CCDC150: variants seen among roughly 807,000 people sequenced by gnomAD.
The protein encoded by CCDC150 is coiled-coil domain-containing protein 150.
In CCDC150, 151 loss-of-function variants were observed where a neutral mutation model predicts 156.5. The ratio of observed to expected loss-of-function variants is 0.97; its 90% CI spans 0.85 to 1.10. CCDC150 has a LOEUF of 1.10. Among genes scored for constraint, CCDC150 ranks in the 50% least tolerant of loss-of-function variants. The probability of loss-of-function intolerance (pLI) is 0.00; values close to 1 mark genes in which losing one functional copy is unlikely to be tolerated. For synonymous variants in CCDC150, 452 were observed against 429.4 expected, an observed-to-expected ratio of 1.05 and a Z score of -0.65; for missense variants, 1,312 against 1,268.1, an observed-to-expected ratio of 1.03 and a Z score of -0.53.
At chr2:196,683,951 A>G (rs2125630487) in intron 13 of CCDC150, among the ~76,000 whole-genome samples, 1 of 151,982 alleles carries the variant, frequency 6.6e-6, no homozygotes, top group South Asian at 2.1e-4. Flanking sequence ...TTTCTAGAGA[A>G]CCAACTTGTG....
At chr2:196,699,406 G>A (rs1222098784) in intron 14 of CCDC150, among the ~76,000 whole-genome samples, 1 of 152,130 alleles carries the variant, frequency 6.6e-6, no homozygotes, top group South Asian at 2.1e-4. Context: ...ATGATTTTAC[G>A]GTAGGTGGTA....
chr2:196,720,492 A>G, intron 19 of CCDC150, 83 bp from the exon 20 acceptor site: 1 of 1,084,336 alleles, frequency 9.2e-7, no homozygotes, highest in Non-Finnish European at 1.4e-6. Context: ...TTCTTAGAAG[A>G]AAAGTGTTCT....
chr2:196,690,612 TAA>T (rs879300596), intron 13 of CCDC150, among the ~76,000 whole-genome samples: 1 of 146,122 alleles, frequency 6.8e-6, no homozygotes. Flanking sequence ...TAGTGAATAT[TAA>T]AAAAAAAAAG....
At chr2:196,688,690 A>G (rs906099635) in intron 13 of CCDC150, among the ~76,000 whole-genome samples, 3 of 151,912 alleles carry the variant, frequency 2.0e-5, no homozygotes, top group Admixed American at 6.6e-5. Flanking sequence ...CCCATTTTGT[A>G]GGTTGCCTGT....
intron 17 of CCDC150, chr2:196,713,779 A>T (rs998793133): frequency 4.1e-5 from 51 of 1,253,944 alleles, no homozygotes; most frequent in Non-Finnish European, 5.0e-5. Context: ...GATATGACTA[A>T]CAAGGAAATA....
intron 9 of CCDC150, 109 bp from the exon 10 acceptor site, chr2:196,674,132 A>C: frequency 1.5e-6 from 1 of 649,468 alleles, no homozygotes; most frequent in Non-Finnish European, 2.6e-6. Context: ...TAAATAGATT[A>C]GTTTCATATA....
intron 15 of CCDC150, among the ~76,000 whole-genome samples, chr2:196,709,918 C>T (rs956593428): frequency 6.6e-6 from 1 of 152,164 alleles, no homozygotes; most frequent in Admixed American, 6.5e-5. Context: ...TATGAGGTGT[C>T]AGTTGGCCCC....
chr2:196,729,910 A>G (rs748237914), intron 24 of CCDC150, 47 bp from the exon 25 acceptor site: 4 of 1,605,886 alleles, frequency 2.5e-6, no homozygotes, highest in East Asian at 2.2e-5. Context: ...CAAAATCTCA[A>G]ACTTGGAGGG....
intron 10 of CCDC150, 25 bp downstream of exon 10, chr2:196,674,373 C>T: frequency 8.5e-6 from 12 of 1,411,294 alleles, no homozygotes; most frequent in Non-Finnish European, 1.2e-5. Context: ...TGAAAGCCAA[C>T]CAGAAAGCCA....
At chr2:196,668,221 C>T (rs1431685848) in intron 7 of CCDC150, among the ~76,000 whole-genome samples, 1 of 150,660 alleles carries the variant, frequency 6.6e-6, no homozygotes, top group South Asian at 2.1e-4. Flanking sequence ...CGCTTGAACC[C>T]AGGAGGCTGA....
chr2:196,713,371 AAG>A, intron 17 of CCDC150: 1 of 1,477,994 alleles, frequency 6.8e-7, no homozygotes, highest in Non-Finnish European at 9.0e-7. Context: ...CTCTAAGAAA[AAG>A]GAAATCCCCA....
chr2:196,688,361 CTG>C (rs1292979113), intron 13 of CCDC150, among the ~76,000 whole-genome samples: 1 of 152,074 alleles, frequency 6.6e-6, no homozygotes, highest in Non-Finnish European at 1.5e-5. Context: ...TTTGTGGCAA[CTG>C]TGAATGGGAG....
intron 11 of CCDC150, 39 bp downstream of exon 11, chr2:196,676,306 TC>T: frequency 6.2e-7 from 1 of 1,606,808 alleles, no homozygotes; most frequent in Non-Finnish European, 8.5e-7. Context: ...CATCTTTTGT[TC>T]TTGCATGTGT....
chr2:196,711,450 G>A lies in CCDC150; in HGVS notation c.1696-695G>A, dbSNP rs117794143. Among the ~76,000 whole-genome samples the A allele has an allele frequency of 1.9e-3, 288 of 152,242 alleles. 2 individuals are homozygous for A. In the East Asian group the frequency reaches 0.027, roughly 14 times the overall value. On this transcript the variant is annotated intron_variant, in intron 15 of 27. Transcript: ENST00000389175. ...TTTGGATGAAAATTTTCCTGATTTA[G>A]GGGTAGGTTCGGTAACGTTAATTGT...
At chr2:196,646,087 A>T (rs1665801467) in intron 1 of CCDC150, among the ~76,000 whole-genome samples, 2 of 152,192 alleles carry the variant, frequency 1.3e-5, no homozygotes, top group South Asian at 2.1e-4. Context: ...TGTCATTGTC[A>T]CCGTGGGATC....
At chr2:196,690,196 A>G (rs996228420) in intron 13 of CCDC150, among the ~76,000 whole-genome samples, 1 of 142,822 alleles carries the variant, frequency 7.0e-6, no homozygotes, top group Non-Finnish European at 1.5e-5. Flanking sequence ...GGACACAGGA[A>G]GGGGAACATC....
intron 13 of CCDC150, among the ~76,000 whole-genome samples, chr2:196,680,913 C>A (rs1241807600): frequency 6.6e-6 from 1 of 152,206 alleles, no homozygotes; most frequent in Non-Finnish European, 1.5e-5. Flanking sequence ...AAATACCCAT[C>A]CTAGTGGGTG....
chr2:196,665,710 G>A (rs1157082652), intron 6 of CCDC150, 27 bp downstream of exon 6: 3 of 1,405,800 alleles, frequency 2.1e-6, no homozygotes, highest in African/African-American at 1.5e-5. Context: ...TCCTTATGTG[G>A]TTTGGGAAAT....
intron 15 of CCDC150, among the ~76,000 whole-genome samples, chr2:196,708,623 A>G (rs1696860450): frequency 6.6e-6 from 1 of 152,266 alleles, no homozygotes; most frequent in African/African-American, 2.4e-5. Flanking sequence ...GCAATTTGGC[A>G]TGTTTTTGCA....
Sources: gnomAD v4.1 joint callset for allele counts (sites outside exome capture counted in the v4.1 genomes callset) on GRCh38, gnomAD v4.1.1 for gene constraint, MANE v1.5 for transcripts, NCBI Gene and HGNC (gene_info 2026-07-23, HGNC 2026-07-21) for gene names.